The following ZNF324B variants were observed in gnomAD, a reference collection of about 807,000 sequenced individuals.
ZNF324B encodes the protein zinc finger protein 324B.
Under a neutral mutation model 10.6 loss-of-function variants are expected in ZNF324B, and 7 were observed. The ratio of observed to expected loss-of-function variants is 0.66; its 90% CI spans 0.38 to 1.24. The LOEUF is 1.24. Ranked by LOEUF, ZNF324B falls within the 50% of genes most tolerant of loss-of-function variation. ZNF324B has a pLI of 0.02. For missense variants in ZNF324B, 640 were observed against 764.7 expected (o/e 0.84, Z 1.92); for synonymous variants, 316 against 321.0 (o/e 0.98, Z 0.17).
chr19:58,433,646 T>A, the ZNF324B span: 3 of 1,613,916 alleles, frequency 1.9e-6, no homozygotes, highest in Non-Finnish European at 2.5e-6. Flanking sequence ...TCACTGCATT[T>A]ATAAGGCTTT....
At chr19:58,422,871 T>G in the ZNF324B span, among the ~76,000 whole-genome samples, 1 of 152,268 alleles carries the variant, frequency 6.6e-6, no homozygotes, top group African/African-American at 2.4e-5. Context: ...ATATTTTGTT[T>G]TGTTTTTGTT....
the ZNF324B span, chr19:58,433,654 T>C: frequency 5.0e-6 from 8 of 1,613,978 alleles, no homozygotes; most frequent in Non-Finnish European, 5.1e-6. Context: ...TTTATAAGGC[T>C]TTTCTCCAGT....
At chr19:58,433,259 C>T in the ZNF324B span, 22 of 1,519,380 alleles carry the variant, frequency 1.4e-5, no homozygotes, top group Non-Finnish European at 1.9e-5. Flanking sequence ...TATGGGGATT[C>T]TGCTGCATGA....
the ZNF324B span, among the ~76,000 whole-genome samples, chr19:58,420,570 T>A: frequency 2.9e-5 from 4 of 140,044 alleles, no homozygotes; most frequent in South Asian, 4.4e-4. Context: ...TCTCTTTAAA[T>A]TTTTTTTTTT....
chr19:58,434,777 G>A, the ZNF324B span: 1 of 1,614,132 alleles, frequency 6.2e-7, no homozygotes, highest in Non-Finnish European at 8.5e-7. Flanking sequence ...AGCTGCCCAA[G>A]ATTGGAATAT....
intron 3 of ZNF324B, chr19:58,454,713 G>T (rs982524756): frequency 7.1e-6 from 4 of 565,944 alleles, no homozygotes; most frequent in Non-Finnish European, 9.4e-6. Context: ...GACACTCATG[G>T]TCCTGCCTTT....
chr19:58,448,294 C>T (rs2052836601), upstream of ZNF324B, among the ~76,000 whole-genome samples: 1 of 152,204 alleles, frequency 6.6e-6, no homozygotes. Flanking sequence ...GAACTCCAGG[C>T]TGAGGTAGTC....
chr19:58,433,235 G>C, the ZNF324B span: 1 of 1,378,840 alleles, frequency 7.3e-7, no homozygotes, highest in Non-Finnish European at 9.9e-7. Flanking sequence ...AGTACATGTA[G>C]GTAATTTTTC....
chr19:58,441,493 C>G, the ZNF324B span: 2 of 152,276 alleles, frequency 1.3e-5, no homozygotes, highest in African/African-American at 2.4e-5. Flanking sequence ...GGGTGAAGGA[C>G]CATCCCAAGT....
the ZNF324B span, chr19:58,432,993 A>T: frequency 3.1e-6 from 1 of 321,498 alleles, no homozygotes; most frequent in Non-Finnish European, 5.7e-6. Flanking sequence ...AGGCCCCTCA[A>T]CCAGCATCGG....
At chr19:58,444,207 A>C in the ZNF324B span, 1 of 150,636 alleles carries the variant, frequency 6.6e-6, no homozygotes, top group Non-Finnish European at 1.5e-5. Context: ...CTTTGCCCTG[A>C]CTCCTGTTCC....
the ZNF324B span, among the ~76,000 whole-genome samples, chr19:58,431,631 G>C: frequency 4.6e-5 from 7 of 152,266 alleles, no homozygotes; most frequent in Admixed American, 2.0e-4. Flanking sequence ...CTTGTATGGG[G>C]GAGGTCAAAG....
the ZNF324B span, among the ~76,000 whole-genome samples, chr19:58,427,351 T>C: frequency 3.8e-5 from 2 of 51,972 alleles, no homozygotes; most frequent in Non-Finnish European, 9.4e-5. Context: ...TTCTCTTTCC[T>C]TTCTTTCTTT....
At position 58,456,331 on chromosome 19, in the gene ZNF324B, G is replaced by C. The variant is rs368075746; in HGVS notation, c.1387G>C (p.Ala463Pro). 6.2e-7 allele frequency: 1 copy of C among 1,612,388 alleles called. No homozygotes were observed. The highest frequency in any genetic ancestry group is 8.5e-7 in the Non-Finnish European group (1 of 1,179,822). ...FRCVDCGKGF[A>P]KGAVLLSHRR... ...CTGCGTGGACTGTGGCAAGGGTTTC[G>C]CCAAGGGCGCCGTGCTGCTCAGCCA... Residue 463 changes from alanine to proline, a missense_variant, in exon 4 of 4, where the codon GCC (alanine) becomes CCC (proline). Physicochemically the swap from Ala to Pro is conservative, Grantham distance 27. This residue lies in a region of ZNF324B where 238 missense variants were observed against 258.0 expected (regional missense o/e 0.92). Transcript: ENST00000336614. The surrounding 1 kb of genome is among the most constrained non-coding windows in gnomAD (Gnocchi z 4.7).
chr19:58,434,873 G>C, the ZNF324B span: 1 of 1,614,156 alleles, frequency 6.2e-7, no homozygotes, highest in East Asian at 2.2e-5. Context: ...CAAGTGAAGG[G>C]GTTCTCTGAC....
the ZNF324B span, among the ~76,000 whole-genome samples, chr19:58,423,572 TCAGAGC>T: frequency 1.3e-5 from 2 of 152,332 alleles, no homozygotes; most frequent in East Asian, 3.9e-4. Context: ...GAAAAAGTTC[TCAGAGC>T]TTTGTAGAAT....
chr19:58,424,873 G>A, the ZNF324B span, among the ~76,000 whole-genome samples: 1 of 152,090 alleles, frequency 6.6e-6, no homozygotes, highest in Non-Finnish European at 1.5e-5. Context: ...CCACTTCTAA[G>A]TATCTACCCA....
At chr19:58,422,329 C>G in the ZNF324B span, among the ~76,000 whole-genome samples, 109 of 152,236 alleles carry the variant, frequency 7.2e-4, no homozygotes, top group Non-Finnish European at 1.3e-3. Context: ...TGGGGAAAGG[C>G]TGAAAGCTTT....
At position 58,456,570 on chromosome 19, in the gene ZNF324B, G is replaced by A. The variant is rs150220305; in HGVS notation, c.1626G>A (p.Ala542=). ...GGKPSPVLKP[A]KV ...AGCCAAGCCCAGTCCTGAAGCCAGC[G>A]AAGGTCTGAGGTCACAGGTCGCAGC... The change falls in exon 4 of 4, where the codon GCG becomes GCA. Residue 542 remains alanine (A), a synonymous_variant. Coordinates refer to ENST00000336614, the MANE Select transcript of ZNF324B (RefSeq NM_207395.3). The surrounding 1 kb of genome is among the most constrained non-coding windows in gnomAD (Gnocchi z 4.7). 2.2e-5 allele frequency: 35 copies of A among 1,613,580 alleles called. No homozygotes were observed. The East Asian group carries it at 2.2e-4, about 10-fold the overall frequency.
Sources: allele counts gnomAD v4.1 joint callset (sites outside exome capture counted in the v4.1 genomes callset), GRCh38; gene constraint gnomAD v4.1.1; regional missense constraint gnomAD v4.1.1; non-coding constraint Gnocchi (gnomAD v3.1); transcripts MANE v1.5; gene names NCBI Gene and HGNC (gene_info 2026-07-23, HGNC 2026-07-21).